ZNF385B: variants seen among roughly 807,000 people sequenced by gnomAD.
ZNF385B encodes zinc finger protein 385B, also known as zinc finger protein 533.
Under a neutral mutation model 39.2 loss-of-function variants are expected in ZNF385B, and 23 were observed. The ratio of observed to expected loss-of-function variants is 0.59; its 90% CI spans 0.42 to 0.83. The LOEUF (loss-of-function observed/expected upper bound fraction) is 0.83. Among genes scored for constraint, ZNF385B ranks in the 40% least tolerant of loss-of-function variants. The pLI is 0.00. For missense variants in ZNF385B, 552 were observed against 598.9 expected, an observed-to-expected ratio of 0.92 and a Z score of 0.82; for synonymous variants, 205 against 222.6, an observed-to-expected ratio of 0.92 and a Z score of 0.70.
chr2:179,555,682 A>G (rs1490747007), intron 3 of ZNF385B, among the ~76,000 whole-genome samples: 1 of 149,270 alleles, frequency 6.7e-6, no homozygotes, highest in Non-Finnish European at 1.5e-5. Flanking sequence ...ATGATTTGTG[A>G]GCAAATAAAA....
At chr2:179,518,874 G>A (rs745783750) in intron 4 of ZNF385B, among the ~76,000 whole-genome samples, 19 of 152,090 alleles carry the variant, frequency 1.2e-4, no homozygotes, top group Non-Finnish European at 2.5e-4. Context: ...AAAACCACGA[G>A]AGAATCACCA....
intron 3 of ZNF385B, among the ~76,000 whole-genome samples, chr2:179,557,947 AAG>A (rs1252652148): frequency 6.6e-6 from 1 of 152,134 alleles, no homozygotes; most frequent in Non-Finnish European, 1.5e-5. Flanking sequence ...TGGGGAAAAA[AAG>A]AGATGAACAA....
rs189838015 is a variant in ZNF385B, at chr2:179,519,501, A to G, written c.442-863T>C. On this transcript the variant is annotated intron_variant, in intron 4 of 9. Coordinates refer to ENST00000410066, the MANE Select transcript of ZNF385B (RefSeq NM_152520.6). ...TTTCCCCTTTTGGCTTGCATGTATT[A>G]TATATATTCAGAGAAATATACAGTG... Among the ~76,000 whole-genome samples, 997 of 152,294 alleles carry G rather than the reference A, an allele frequency of 6.5e-3. 5 individuals carry two copies. Among genetic ancestry groups the G allele is most frequent in the Middle Eastern group, 0.02 (6 of 294 alleles).
At chr2:179,593,747 C>T (rs957374603) in intron 3 of ZNF385B, among the ~76,000 whole-genome samples, 11 of 152,138 alleles carry the variant, frequency 7.2e-5, no homozygotes, top group African/African-American at 2.7e-4. Flanking sequence ...TTTAACTCAT[C>T]CAAGTTATAA....
chr2:179,660,526 T>C (rs62177571), intron 3 of ZNF385B, among the ~76,000 whole-genome samples: 29,189 of 152,192 alleles, frequency 0.19, 3,267 homozygotes, highest in Admixed American at 0.25. Context: ...TATTAATGTC[T>C]GCTTCCAAGT....
chr2:179,731,158 G>C (rs1256731376), intron 3 of ZNF385B, among the ~76,000 whole-genome samples: 1 of 152,210 alleles, frequency 6.6e-6, no homozygotes, highest in Non-Finnish European at 1.5e-5. Context: ...AGGTAGCCAA[G>C]AATTCAAACT....
chr2:179,718,374 T>C (rs2106399521), intron 3 of ZNF385B, among the ~76,000 whole-genome samples: 1 of 148,056 alleles, frequency 6.8e-6, no homozygotes, highest in East Asian at 1.9e-4. Flanking sequence ...TTTTATCTTA[T>C]ATATTATATA....
chr2:179,776,022 A>G (rs1470398857), intron 1 of ZNF385B, among the ~76,000 whole-genome samples: 1 of 152,264 alleles, frequency 6.6e-6, no homozygotes, highest in Non-Finnish European at 1.5e-5. Context: ...CTGCAAGAAC[A>G]TGACCACATC....
intron 3 of ZNF385B, among the ~76,000 whole-genome samples, chr2:179,563,758 T>C (rs1198591423): frequency 1.3e-5 from 2 of 152,172 alleles, no homozygotes; most frequent in Non-Finnish European, 2.9e-5. Context: ...GCATTCCTTA[T>C]GATTACAGTA....
chr2:179,735,943 T>A (rs1701724433), intron 3 of ZNF385B, among the ~76,000 whole-genome samples: 2 of 146,172 alleles, frequency 1.4e-5, no homozygotes, highest in Non-Finnish European at 3.0e-5. Context: ...GATGACGAGT[T>A]AGTGGGTGCA....
intron 1 of ZNF385B, among the ~76,000 whole-genome samples, chr2:179,819,639 G>C (rs1707284864): frequency 6.6e-6 from 1 of 152,156 alleles, no homozygotes; most frequent in African/African-American, 2.4e-5. Context: ...AGGTGCTCAG[G>C]CCCTCCGAAA....
chr2:179,537,526 G>A (rs937664768), intron 4 of ZNF385B, among the ~76,000 whole-genome samples: 1 of 151,954 alleles, frequency 6.6e-6, no homozygotes, highest in Non-Finnish European at 1.5e-5. Flanking sequence ...GATTGCCTGA[G>A]CTCAGGAGTT....
At chr2:179,642,899 C>G (rs1692393882) in intron 3 of ZNF385B, among the ~76,000 whole-genome samples, 1 of 152,110 alleles carries the variant, frequency 6.6e-6, no homozygotes, top group South Asian at 2.1e-4. Context: ...GGAAAGTATG[C>G]ACTAAGTATC....
chr2:179,853,692 A>G (rs6725456), intron 1 of ZNF385B, among the ~76,000 whole-genome samples: 66,313 of 152,144 alleles, frequency 0.44, 16,018 homozygotes, highest in East Asian at 0.67. Flanking sequence ...ATAATGTACA[A>G]TTATGGCTAC....
intron 3 of ZNF385B, among the ~76,000 whole-genome samples, chr2:179,734,430 T>A (rs1298987526): frequency 6.6e-6 from 1 of 152,246 alleles, no homozygotes; most frequent in Non-Finnish European, 1.5e-5. Flanking sequence ...CATGCCCACA[T>A]ACTAGGTAGC....
intron 3 of ZNF385B, among the ~76,000 whole-genome samples, chr2:179,659,917 C>T (rs1012569862): frequency 1.3e-5 from 2 of 152,146 alleles, no homozygotes; most frequent in Non-Finnish European, 2.9e-5. Flanking sequence ...AATTGCCAAA[C>T]CTTGTCACCT....
chr2:179,565,494 C>T (rs868272), intron 3 of ZNF385B, among the ~76,000 whole-genome samples: 87,218 of 152,082 alleles, frequency 0.57, 25,876 homozygotes, highest in East Asian at 0.96. Flanking sequence ...TAAATGAAAA[C>T]TGTTTTCTCA....
rs535353729 is a variant in ZNF385B, at chr2:179,816,202, A to G, written c.-155+44899T>C. Among the ~76,000 whole-genome samples, 3 of 152,344 alleles carry G rather than the reference A, an allele frequency of 2.0e-5. No individual in the cohort carries two copies. The East Asian group carries it at 5.8e-4, about 29-fold the overall frequency. Reference sequence around the variant, plus strand: ...CTGTTCGGCTAAAAACCTTGGAATCATCAACGGGTCTCCATTTCTTTTTGC... The same window carrying G: ...CTGTTCGGCTAAAAACCTTGGAATCGTCAACGGGTCTCCATTTCTTTTTGC... On this transcript the variant is annotated intron_variant, in intron 1 of 9. Coordinates refer to ENST00000410066, the MANE Select transcript of ZNF385B (RefSeq NM_152520.6).
chr2:179,767,554 T>C (rs1378882675), intron 3 of ZNF385B, among the ~76,000 whole-genome samples: 1 of 152,138 alleles, frequency 6.6e-6, no homozygotes, highest in Non-Finnish European at 1.5e-5. Flanking sequence ...TGAGAGAGTG[T>C]TAAGAGAGTT....
Sources: allele counts gnomAD v4.1 joint callset (sites outside exome capture counted in the v4.1 genomes callset), GRCh38; gene constraint gnomAD v4.1.1; transcripts MANE v1.5; gene names NCBI Gene and HGNC (gene_info 2026-07-23, HGNC 2026-07-21).